The following GFRAL variants were observed in gnomAD, a reference collection of about 807,000 sequenced individuals.
GFRAL encodes GDNF family receptor alpha like, also known as GDNF family receptor alpha-like.
Under a neutral mutation model 45.4 loss-of-function variants are expected in GFRAL, and 36 were observed. The observed-to-expected ratio is 0.79, with a 90% CI of 0.61 to 1.05. The LOEUF (loss-of-function observed/expected upper bound fraction) is 1.05, where lower values mean the gene tolerates loss of function less well. GFRAL is among the 50% of genes least tolerant of loss of function. The probability of loss-of-function intolerance (pLI) is 0.00; values close to 1 mark genes in which losing one functional copy is unlikely to be tolerated. For missense variants in GFRAL, 507 were observed against 467.5 expected, an observed-to-expected ratio of 1.08 and a Z score of -0.78; for synonymous variants, 166 against 154.1, an observed-to-expected ratio of 1.08 and a Z score of -0.57.
intron 3 of GFRAL, among the ~76,000 whole-genome samples, chr6:55,336,898 G>T (rs1767897684): frequency 6.6e-6 from 1 of 151,906 alleles, no homozygotes; most frequent in Admixed American, 6.6e-5. Context: ...CTTATTTTTG[G>T]TTTTCTTCGT....
intron 6 of GFRAL, among the ~76,000 whole-genome samples, chr6:55,370,613 C>G (rs1158064127): frequency 6.6e-6 from 1 of 152,154 alleles, no homozygotes; most frequent in South Asian, 2.1e-4. Context: ...CTCTAGGGAG[C>G]AGTTCTCAAT....
At chr6:55,368,075 A>T (rs1387835508) in intron 6 of GFRAL, among the ~76,000 whole-genome samples, 12 of 149,420 alleles carry the variant, frequency 8.0e-5, no homozygotes, top group South Asian at 4.3e-4. Context: ...ACTTTCAGGT[A>T]CACCAATCAG....
chr6:55,362,506 A>G (rs1366972609), intron 6 of GFRAL, among the ~76,000 whole-genome samples: 4 of 151,902 alleles, frequency 2.6e-5, no homozygotes, highest in Non-Finnish European at 5.9e-5. Flanking sequence ...CTACTAACCT[A>G]TGGATTCACA....
rs146705163 is a variant in GFRAL at position 55,331,201 on chromosome 6, T to A, written c.23-514T>A. On this transcript the variant is annotated intron_variant, in intron 1 of 8. Transcript: ENST00000340465. Reference sequence around the variant, plus strand: ...ATGTATAAAATGAAAATAGAAAAGGTCTGAGAAGAGAACCTAAGCTAAAAT... The same window carrying A: ...ATGTATAAAATGAAAATAGAAAAGGACTGAGAAGAGAACCTAAGCTAAAAT... Among the ~76,000 whole-genome samples the A allele has an allele frequency of 2.0e-3, 308 of 152,078 alleles. 1 individual carries two copies. Among genetic ancestry groups the A allele is most frequent in the African/African-American group, 7.0e-3 (291 of 41,480 alleles).
At chr6:55,387,843 A>G (rs561232510) in intron 6 of GFRAL, among the ~76,000 whole-genome samples, 6 of 152,336 alleles carry the variant, frequency 3.9e-5, no homozygotes, top group African/African-American at 1.4e-4. Flanking sequence ...ACAGCTAATA[A>G]GCTATAAAAT....
chr6:55,392,417 T>C (rs1156312309), intron 6 of GFRAL, among the ~76,000 whole-genome samples: 2 of 152,212 alleles, frequency 1.3e-5, no homozygotes, highest in East Asian at 1.9e-4. Context: ...CATCACATTG[T>C]TATGTGGACA....
intron 3 of GFRAL, among the ~76,000 whole-genome samples, chr6:55,340,239 C>T (rs531194719): frequency 2.0e-5 from 3 of 152,290 alleles, no homozygotes; most frequent in African/African-American, 2.4e-5. Context: ...CTAATCATCA[C>T]TTCAACAAAA....
chr6:55,342,905 C>T (rs1767988404), intron 3 of GFRAL, among the ~76,000 whole-genome samples: 2 of 152,184 alleles, frequency 1.3e-5, no homozygotes, highest in South Asian at 4.2e-4. Context: ...GACTTTAAAA[C>T]AACAAAGATC....
At chr6:55,351,903 ATT>A (rs372969942) in intron 5 of GFRAL, among the ~76,000 whole-genome samples, 21 of 150,214 alleles carry the variant, frequency 1.4e-4, no homozygotes, top group African/African-American at 5.1e-4. Context: ...CAGCTTTTTA[ATT>A]TTTTTTTTGT....
chr6:55,390,900 AC>A (rs1257880859), intron 6 of GFRAL, among the ~76,000 whole-genome samples: 8 of 144,918 alleles, frequency 5.5e-5, no homozygotes, highest in African/African-American at 2.2e-4. Context: ...ACACATACAC[AC>A]ACACACACAC....
At chr6:55,364,930 T>G (rs967992567) in intron 6 of GFRAL, among the ~76,000 whole-genome samples, 1 of 152,098 alleles carries the variant, frequency 6.6e-6, no homozygotes, top group Non-Finnish European at 1.5e-5. Flanking sequence ...GGGCTCTTTT[T>G]TGGTTCCATA....
Position 55,327,580 on chromosome 6 carries a change from AG to A in GFRAL, c.22+5del. ...ATGATAGTGTTTATTTTCTTGGGTA[AG>A]TGAATGGTGCTTCTGGTTTATCTGA... On this transcript the variant is annotated splice_donor_5th_base_variant and intron_variant, in intron 1 of 8. Transcript: ENST00000340465. 6.2e-7 allele frequency: 1 copy of A among 1,612,480 alleles called. No homozygotes were observed. Among genetic ancestry groups the A allele is most frequent in the South Asian group, 1.1e-5 (1 of 91,002 alleles).
intron 1 of GFRAL, among the ~76,000 whole-genome samples, chr6:55,329,921 TAAC>T (rs1431387749): frequency 3.3e-5 from 5 of 152,136 alleles, no homozygotes; most frequent in African/African-American, 1.2e-4. Context: ...GATTCATAAT[TAAC>T]AACAGCATTT....
At chr6:55,348,260 A>G (rs200016843) in intron 3 of GFRAL, among the ~76,000 whole-genome samples, 7 of 133,226 alleles carry the variant, frequency 5.3e-5, no homozygotes, top group East Asian at 4.3e-4. Flanking sequence ...GTGTGTGTGT[A>G]TGTGTAAATG....
At chr6:55,396,613 T>C (rs939798387) in intron 6 of GFRAL, among the ~76,000 whole-genome samples, 1 of 152,252 alleles carries the variant, frequency 6.6e-6, no homozygotes, top group Middle Eastern at 3.4e-3. Context: ...CTTCATATTC[T>C]GAATTGATTT....
chr6:55,371,966 T>C (rs1768457489), intron 6 of GFRAL, among the ~76,000 whole-genome samples: 1 of 152,204 alleles, frequency 6.6e-6, no homozygotes, highest in African/African-American at 2.4e-5. Flanking sequence ...CTCTAACAGG[T>C]TGATCCACCC....
chr6:55,399,502 A>C (rs1233730034), intron 8 of GFRAL, 61 bp downstream of exon 8: 2 of 1,022,668 alleles, frequency 2.0e-6, no homozygotes, highest in Non-Finnish European at 3.1e-6. Context: ...GTGTTAAAGC[A>C]TGTTGCACAA....
rs527908347 is a variant in GFRAL, at chr6:55,353,053, A to C, written c.701+1470A>C. Among the ~76,000 whole-genome samples the C allele has an allele frequency of 3.9e-5, 6 of 152,176 alleles. No individual in the cohort carries two copies. The South Asian group carries it at 1.2e-3, about 32-fold the overall frequency. Reference sequence around the variant, plus strand: ...CCAGCCAGTGCTTAGGAAAACATGTATGTGGCATTTTAGAAAAGCAGTGAG... The same window carrying C: ...CCAGCCAGTGCTTAGGAAAACATGTCTGTGGCATTTTAGAAAAGCAGTGAG... On this transcript the variant is annotated intron_variant, in intron 5 of 8. Transcript: ENST00000340465.
chr6:55,354,444 C>T (rs1022112467), intron 5 of GFRAL, among the ~76,000 whole-genome samples: 2 of 152,102 alleles, frequency 1.3e-5, no homozygotes, highest in African/African-American at 4.8e-5. Flanking sequence ...TTTTAGTATA[C>T]ATATATGTAT....
Sources: allele counts gnomAD v4.1 joint callset (sites outside exome capture counted in the v4.1 genomes callset), GRCh38; gene constraint gnomAD v4.1.1; transcripts MANE v1.5; gene names NCBI Gene and HGNC (gene_info 2026-07-23, HGNC 2026-07-21).